TEAD3: variants seen among roughly 807,000 people sequenced by gnomAD.
TEAD3 encodes transcriptional enhancer factor TEF-5.
In TEAD3, 15 loss-of-function variants were observed where a neutral mutation model predicts 55.6. The ratio of observed to expected loss-of-function variants is 0.27; its 90% CI spans 0.18 to 0.42. TEAD3 has a LOEUF of 0.42. Among genes scored for constraint, TEAD3 ranks in the 10% least tolerant of loss-of-function variants. The pLI is 1.00. For synonymous variants in TEAD3, 210 were observed against 232.2 expected (o/e 0.90, Z 0.87); for missense variants, 407 against 576.8 (o/e 0.71, Z 3.01).
exon 10 of TEAD3, chr6:35,476,043 G>A (rs1471089512): frequency 1.9e-6 from 3 of 1,548,210 alleles, no homozygotes; most frequent in Non-Finnish European, 2.6e-6. Flanking sequence ...GGGTGGGTCT[G>A]AGAAGGCGGG....
At chr6:35,480,683 A>G (rs1261330093) in intron 3 of TEAD3, among the ~76,000 whole-genome samples, 2 of 152,156 alleles carry the variant, frequency 1.3e-5, no homozygotes, top group African/African-American at 2.4e-5. Flanking sequence ...ATCATGATCA[A>G]GAGCCACAGT....
At chr6:35,482,170 G>A (rs554296026) in intron 3 of TEAD3, among the ~76,000 whole-genome samples, 1 of 152,192 alleles carries the variant, frequency 6.6e-6, no homozygotes, top group Non-Finnish European at 1.5e-5. Context: ...TTTTTTAGTA[G>A]AGACGGGGTT....
chr6:35,478,877 C>CTTTTT (rs67071124), intron 5 of TEAD3, among the ~76,000 whole-genome samples: 12 of 106,752 alleles, frequency 1.1e-4, no homozygotes, highest in East Asian at 2.5e-4. Context: ...CTCCTATTTT[C>CTTTTT]TTTTTTTTTT....
At chr6:35,478,877 CTTTTTT>C (rs67071124) in intron 5 of TEAD3, among the ~76,000 whole-genome samples, 10 of 106,738 alleles carry the variant, frequency 9.4e-5, no homozygotes, top group African/African-American at 2.5e-4. Context: ...CTCCTATTTT[CTTTTTT>C]TTTTTTTTTT....
chr6:35,480,120 G>T, exon 4 of TEAD3: 1 of 1,545,448 alleles, frequency 6.5e-7, no homozygotes, highest in Non-Finnish European at 8.7e-7. Context: ...AGTGGCTAGA[G>T]ACCTGTAGAG....
rs549970732 is a variant in TEAD3, at chr6:35,475,764, C to T, written c.901-58G>A. 79 of 1,527,004 alleles carry T rather than the reference C, an allele frequency of 5.2e-5. No homozygotes were observed. The highest frequency in any genetic ancestry group is 1.0e-4 in the Admixed American group (5 of 47,936). 94.6% of individuals were successfully genotyped at this position (1,527,004 alleles called of 1,614,324 possible). ...GCAGAGACCAGAAGTATTCCCGCCA[C>T]ACCACATCAGAGTCCTGCCCAAGGA... is the stretch of plus-strand genomic sequence containing the variant. On this transcript the variant is annotated intron_variant, in intron 10 of 12. Coordinates refer to ENST00000639578, the Ensembl canonical transcript of TEAD3. This position sits in a 1 kb window ranked among gnomAD's most constrained non-coding sequence, Gnocchi z 5.4.
intron 1 of TEAD3, among the ~76,000 whole-genome samples, chr6:35,494,940 T>C (rs1768609576): frequency 6.6e-6 from 1 of 151,336 alleles, no homozygotes; most frequent in South Asian, 2.1e-4. Context: ...GGTTTGTCCT[T>C]GCCTTCTTCT....
Position 35,475,404 on chromosome 6 carries a change from G to A in TEAD3, c.1126C>T (p.His376Tyr), listed in dbSNP as rs1465174122. ...TTCTCGGGCAGGTGCTTCAGCTTGT[G>A]GATGAAGTTGATCATGTACTCGCAC... The change falls in exon 12 of 13, where the codon CAC (histidine) becomes TAC (tyrosine). Residue 376 changes from histidine (H) to tyrosine (Y), a missense_variant. Coordinates refer to ENST00000639578, the Ensembl canonical transcript of TEAD3. This position sits in a 1 kb window ranked among gnomAD's most constrained non-coding sequence, Gnocchi z 5.4. 5 of 1,614,080 alleles carry A rather than the reference G, an allele frequency of 3.1e-6. No individual in the cohort carries two copies. Among genetic ancestry groups the A allele is most frequent in the Non-Finnish European group, 4.2e-6 (5 of 1,179,994 alleles).
Position 35,483,737 on chromosome 6 carries a change from A to G in TEAD3, c.267+823T>C, listed in dbSNP as rs1027908464. ...CTGCCCCTTGGGGAACCTGTCCCCC[A>G]TGTCTCCTGCTGAGTGTCCCCTACC... On this transcript the variant is annotated intron_variant, in intron 3 of 12. Coordinates refer to ENST00000639578, the Ensembl canonical transcript of TEAD3. This position sits in a 1 kb window ranked among gnomAD's most constrained non-coding sequence, Gnocchi z 4.5. Among the ~76,000 whole-genome samples, 5 of 151,952 alleles carry G rather than the reference A, an allele frequency of 3.3e-5. No individual in the cohort carries two copies. The highest frequency in any genetic ancestry group is 9.7e-5 in the African/African-American group (4 of 41,340).
intron 1 of TEAD3, among the ~76,000 whole-genome samples, chr6:35,495,798 ACCAGCCCCTCTGAGCTGTGT>A (rs1411491092): frequency 2.6e-5 from 4 of 152,202 alleles, no homozygotes; most frequent in Non-Finnish European, 5.9e-5. Flanking sequence ...CGCTATGGGC[ACCAGCCCCTCTGAGCTGTGT>A]CCAGCCCCTA....
chr6:35,494,541 A>T (rs757122344), intron 1 of TEAD3, among the ~76,000 whole-genome samples: 3 of 152,126 alleles, frequency 2.0e-5, no homozygotes, highest in Non-Finnish European at 4.4e-5. Context: ...CCAGAGGCAG[A>T]TCCTCAGGGC....
intron 8 of TEAD3, among the ~76,000 whole-genome samples, chr6:35,476,769 ATG>A (rs1768157869): frequency 6.6e-6 from 1 of 152,138 alleles, no homozygotes; most frequent in South Asian, 2.1e-4. Flanking sequence ...ATCCATAGAG[ATG>A]TGTGTAAATG....
At chr6:35,480,792 A>G (rs986716767) in intron 3 of TEAD3, among the ~76,000 whole-genome samples, 1 of 152,160 alleles carries the variant, frequency 6.6e-6, no homozygotes, top group African/African-American at 2.4e-5. Context: ...TGCCCAAGCT[A>G]TGTGTCCTTG....
chr6:35,492,355 G>A (rs1187319786), intron 1 of TEAD3, among the ~76,000 whole-genome samples: 1 of 152,060 alleles, frequency 6.6e-6, no homozygotes, highest in Non-Finnish European at 1.5e-5. Flanking sequence ...CCCACAGCGG[G>A]CCAGCTGTTC....
intron 3 of TEAD3, among the ~76,000 whole-genome samples, chr6:35,481,623 T>G (rs919553697): frequency 6.6e-6 from 1 of 152,224 alleles, no homozygotes; most frequent in Admixed American, 6.5e-5. Context: ...GACCCCTTGA[T>G]CTTTACAGCA....
chr6:35,486,546 G>A lies in TEAD3; in HGVS notation c.117C>T (p.Ile39=), dbSNP rs201309399. 1.4e-5 allele frequency: 22 copies of A among 1,613,650 alleles called. No homozygotes were observed. The Admixed American group carries it at 2.5e-4, about 18-fold the overall frequency. The change falls in exon 2 of 13, where the codon ATC becomes ATT. Residue 39 remains isoleucine, a synonymous_variant. Transcript: ENST00000639578. This position sits in a 1 kb window ranked among gnomAD's most constrained non-coding sequence, Gnocchi z 7.3. ...CCAGGGCCTCCTGGAAGCTCTGCTC[G>A]ATGTCCGGGCTCCACACGCCCTCCG...
At position 35,485,574 on chromosome 6, in the gene TEAD3, C is replaced by T. The variant is rs1172154512; in HGVS notation, c.202+887G>A. Among the ~76,000 whole-genome samples the T allele has an allele frequency of 1.3e-5, 2 of 152,108 alleles. No individual in the cohort carries two copies. Among genetic ancestry groups the T allele is most frequent in the Non-Finnish European group, 2.9e-5 (2 of 68,002 alleles). ...CCCCATTGCTCCTCCCTCCCGCCAG[C>T]CCCTCTCCACCCCACTCTCTCCACC... On this transcript the variant is annotated intron_variant, in intron 2 of 12. Transcript: ENST00000639578. This position sits in a 1 kb window ranked among gnomAD's most constrained non-coding sequence, Gnocchi z 4.3.
chr6:35,490,758 G>A (rs905760910), intron 1 of TEAD3, among the ~76,000 whole-genome samples: 3 of 152,236 alleles, frequency 2.0e-5, no homozygotes, highest in African/African-American at 4.8e-5. Context: ...GACCCAGGCC[G>A]GGCTGAGAGA....
chr6:35,474,890 T>C, downstream of TEAD3: 2 of 607,372 alleles, frequency 3.3e-6, no homozygotes, highest in East Asian at 2.9e-5. Flanking sequence ...TGGCAGGGAG[T>C]GTGTGTGCTG....
Sources: allele counts gnomAD v4.1 joint callset (sites outside exome capture counted in the v4.1 genomes callset), GRCh38; gene constraint gnomAD v4.1.1; non-coding constraint Gnocchi (gnomAD v3.1); transcripts MANE v1.5; gene names NCBI Gene and HGNC (gene_info 2026-07-23, HGNC 2026-07-21).